PCDH15: variants seen among roughly 807,000 people sequenced by gnomAD.
PCDH15 encodes the protein protocadherin related 15.
Under a neutral mutation model 178.5 loss-of-function variants are expected in PCDH15, and 129 were observed. The ratio of observed to expected loss-of-function variants is 0.72; its 90% CI spans 0.63 to 0.84. The LOEUF (loss-of-function observed/expected upper bound fraction) is 0.84, where lower values mean the gene tolerates loss of function less well. Among genes scored for constraint, PCDH15 ranks in the 40% least tolerant of loss-of-function variants. PCDH15 has a pLI of 0.00. For synonymous variants in PCDH15, 800 were observed against 732.0 expected (o/e 1.09, Z -1.50); for missense variants, 2,230 against 2,099.9 (o/e 1.06, Z -1.21).
At chr10:55,337,010 T>C (rs772698890) in intron 2 of PCDH15, among the ~76,000 whole-genome samples, 5 of 152,078 alleles carry the variant, frequency 3.3e-5, no homozygotes, top group East Asian at 1.9e-4. Context: ...ACTCCCTCAA[T>C]TGTAACAGCT....
At chr10:54,621,210 G>C (rs545801080) in intron 2 of PCDH15, among the ~76,000 whole-genome samples, 172 of 151,920 alleles carry the variant, frequency 1.1e-3, no homozygotes, top group African/African-American at 3.9e-3. Flanking sequence ...ATTAATGCTA[G>C]GATTATTTTA....
intron 3 of PCDH15, among the ~76,000 whole-genome samples, chr10:54,512,111 C>T (rs2081734138): frequency 2.6e-5 from 4 of 152,062 alleles, no homozygotes; most frequent in Admixed American, 2.6e-4. Context: ...ATTCAAAACA[C>T]CCCTTCTAGG....
intron 2 of PCDH15, among the ~76,000 whole-genome samples, chr10:54,912,588 T>A (rs1260443083): frequency 2.0e-5 from 3 of 152,160 alleles, no homozygotes; most frequent in Admixed American, 1.3e-4. Context: ...TCTTCATAAA[T>A]TATCCAGTGG....
intron 22 of PCDH15, among the ~76,000 whole-genome samples, chr10:53,961,244 A>T (rs1480118861): frequency 3.3e-5 from 5 of 152,012 alleles, no homozygotes; most frequent in African/African-American, 9.7e-5. Context: ...ATCTTATCTT[A>T]AAAAAGTGAG....
At position 54,378,865 on chromosome 10, in the gene PCDH15, C is replaced by A. The variant is rs778506607; in HGVS notation, c.235G>T (p.Asp79Tyr). 55 of 1,613,690 alleles carry A rather than the reference C, an allele frequency of 3.4e-5. No homozygotes were observed. Among genetic ancestry groups the A allele is most frequent in the Middle Eastern group, 1.6e-4 (1 of 6,078 alleles). ...PDPTIELSLK[D>Y]NVDYWVLMDP... ...ATCAACACCCAGTAATCCACATTAT[C>A]CTTTAAAGAAAGTTCTATGGTGGGG... Residue 79 changes from aspartate to tyrosine, a missense_variant, in exon 4 of 38, where the codon GAT becomes TAT. Coordinates refer to ENST00000644397, the MANE Select transcript of PCDH15 (RefSeq NM_001384140.1).
At chr10:54,120,780 G>T (rs534809967) in intron 15 of PCDH15, among the ~76,000 whole-genome samples, 1 of 152,116 alleles carries the variant, frequency 6.6e-6, no homozygotes, top group South Asian at 2.1e-4. Context: ...ACATTGTAGA[G>T]TCTAGATTCA....
intron 2 of PCDH15, among the ~76,000 whole-genome samples, chr10:55,565,734 T>C (rs185538574): frequency 1.5e-4 from 23 of 151,722 alleles, no homozygotes; most frequent in Middle Eastern, 3.4e-3. Flanking sequence ...GAAATCTAAT[T>C]ACATATGAAA....
intron 1 of PCDH15, among the ~76,000 whole-genome samples, chr10:54,675,145 T>C (rs1250557548): frequency 2.6e-5 from 4 of 152,026 alleles, no homozygotes; most frequent in African/African-American, 9.7e-5. Context: ...TTAAATTTAT[T>C]ACATTAAATA....
chr10:54,494,796 C>T (rs943733214), intron 3 of PCDH15, among the ~76,000 whole-genome samples: 4 of 151,906 alleles, frequency 2.6e-5, no homozygotes, highest in African/African-American at 9.7e-5. Flanking sequence ...CTCTTTTTGA[C>T]TTTGAAAATG....
chr10:54,294,478 A>T (rs2059620425), intron 8 of PCDH15, among the ~76,000 whole-genome samples: 1 of 152,142 alleles, frequency 6.6e-6, no homozygotes, highest in African/African-American at 2.4e-5. Flanking sequence ...GAAATTAGAG[A>T]CATTTTCTGC....
At chr10:53,914,727 A>G (rs1466499102) in intron 25 of PCDH15, among the ~76,000 whole-genome samples, 3 of 152,342 alleles carry the variant, frequency 2.0e-5, no homozygotes, top group South Asian at 2.1e-4. Context: ...ACAAACATGC[A>G]CATTGTGCAC....
chr10:54,033,277 T>G (rs983069332), intron 18 of PCDH15, among the ~76,000 whole-genome samples: 41 of 151,956 alleles, frequency 2.7e-4, no homozygotes, highest in Non-Finnish European at 7.4e-5. Context: ...CAAAAGAGGA[T>G]TTTAAGATTT....
chr10:54,905,509 GTTAA>G (rs753307704), intron 2 of PCDH15, among the ~76,000 whole-genome samples: 33 of 152,170 alleles, frequency 2.2e-4, no homozygotes, highest in Non-Finnish European at 1.2e-4. Flanking sequence ...AATGCAACTA[GTTAA>G]TTATTTGATC....
chr10:54,172,663 G>T (rs574539672), intron 13 of PCDH15, among the ~76,000 whole-genome samples: 1 of 151,938 alleles, frequency 6.6e-6, no homozygotes, highest in Admixed American at 6.6e-5. Context: ...GTTTCTTCTA[G>T]AGCAATATCA....
At chr10:55,053,281 G>C (rs1227400206) in intron 2 of PCDH15, among the ~76,000 whole-genome samples, 1 of 152,110 alleles carries the variant, frequency 6.6e-6, no homozygotes, top group Non-Finnish European at 1.5e-5. Context: ...TGAAGGTCTA[G>C]AAGGGGTTCA....
At chr10:53,842,892 A>AT (rs1237707018) in intron 28 of PCDH15, among the ~76,000 whole-genome samples, 2 of 152,194 alleles carry the variant, frequency 1.3e-5, no homozygotes, top group African/African-American at 4.8e-5. Flanking sequence ...TCTCCAGTGC[A>AT]TTTTGGCATT....
intron 1 of PCDH15, among the ~76,000 whole-genome samples, chr10:54,669,500 T>G (rs968978208): frequency 6.6e-6 from 1 of 151,380 alleles, no homozygotes; most frequent in Non-Finnish European, 1.5e-5. Flanking sequence ...TAAATTTACA[T>G]TAATGATAGG....
chr10:55,411,471 A>G (rs1838328809), intron 2 of PCDH15, among the ~76,000 whole-genome samples: 1 of 152,136 alleles, frequency 6.6e-6, no homozygotes, highest in African/African-American at 2.4e-5. Flanking sequence ...TACTTGGGTA[A>G]TAATTAGGGT....
In PCDH15 at chr10:54,189,630, G is replaced by T. The variant is rs1561675; in HGVS notation, c.1306-4362C>A. Among the ~76,000 whole-genome samples, 66,301 of 151,844 alleles carry T rather than the reference G, an allele frequency of 0.44. 17,584 individuals are homozygous for T. The highest frequency in any genetic ancestry group is 0.94 in the East Asian group (4,844 of 5,170). ...AGATACCTCTTCATAGTAAAATAAC[G>T]TTAAGCAGAGAAACAAATTTACATG... On this transcript the variant is annotated intron_variant, in intron 11 of 37. Coordinates refer to ENST00000644397, the MANE Select transcript of PCDH15 (RefSeq NM_001384140.1).
Sources: allele counts gnomAD v4.1 joint callset (sites outside exome capture counted in the v4.1 genomes callset), GRCh38; gene constraint gnomAD v4.1.1; transcripts MANE v1.5; gene names NCBI Gene and HGNC (gene_info 2026-07-23, HGNC 2026-07-21).